Variants in MALRD1 observed in about 807,000 individuals in gnomAD.
MALRD1 encodes MAM and LDL receptor class A domain containing 1.
Under a neutral mutation model 242.1 loss-of-function variants are expected in MALRD1, and 247 were observed. The ratio of observed to expected loss-of-function variants is 1.02; its 90% CI spans 0.92 to 1.13. The LOEUF (loss-of-function observed/expected upper bound fraction) is 1.13, where lower values mean the gene tolerates loss of function less well. Among genes scored for constraint, MALRD1 ranks in the 50% most tolerant of loss-of-function variants. The pLI, the probability that MALRD1 is intolerant of heterozygous loss-of-function variation, is 0.00. For missense variants in MALRD1, 2,989 were observed against 2,533.1 expected (o/e 1.18, Z -3.86); for synonymous variants, 995 against 866.6 (o/e 1.15, Z -2.60).
At chr10:19,447,164 A>G (rs1470282312) in intron 28 of MALRD1, among the ~76,000 whole-genome samples, 1 of 151,902 alleles carries the variant, frequency 6.6e-6, no homozygotes, top group Non-Finnish European at 1.5e-5. Context: ...TTTCTCCTGT[A>G]TTAAATTAGT....
intron 31 of MALRD1, among the ~76,000 whole-genome samples, chr10:19,510,133 G>T (rs528458992): frequency 2.1e-4 from 32 of 152,150 alleles, no homozygotes; most frequent in Admixed American, 2.0e-3. Flanking sequence ...TGATGTGCAC[G>T]TACGTAAACA....
At chr10:19,115,230 A>T (rs1192831242) in intron 5 of MALRD1, among the ~76,000 whole-genome samples, 4 of 151,962 alleles carry the variant, frequency 2.6e-5, no homozygotes, top group African/African-American at 9.7e-5. Flanking sequence ...CTTACCCACA[A>T]TTCACTCCTC....
intron 9 of MALRD1, among the ~76,000 whole-genome samples, chr10:19,134,750 TG>T (rs1328310635): frequency 6.6e-6 from 1 of 152,202 alleles, no homozygotes; most frequent in Admixed American, 6.5e-5. Context: ...TTTTATAAAC[TG>T]AAGATTAAAT....
chr10:19,245,430 A>G (rs1280780509), intron 18 of MALRD1, among the ~76,000 whole-genome samples: 1 of 152,186 alleles, frequency 6.6e-6, no homozygotes, highest in Admixed American at 6.5e-5. Context: ...AAATAAATGT[A>G]TGCATACTGT....
At chr10:19,301,985 C>T (rs899105873) in intron 21 of MALRD1, among the ~76,000 whole-genome samples, 4 of 151,714 alleles carry the variant, frequency 2.6e-5, no homozygotes, top group Admixed American at 2.0e-4. Flanking sequence ...AGAAGTTATA[C>T]AAACAGCTAA....
chr10:19,235,925 C>A (rs951727886), intron 18 of MALRD1, among the ~76,000 whole-genome samples: 7 of 151,376 alleles, frequency 4.6e-5, no homozygotes, highest in Non-Finnish European at 7.4e-5. Flanking sequence ...TGGGTTGGGA[C>A]AATAAAGAAA....
intron 28 of MALRD1, among the ~76,000 whole-genome samples, chr10:19,412,801 A>G (rs1436714975): frequency 1.3e-5 from 2 of 152,204 alleles, no homozygotes; most frequent in African/African-American, 4.8e-5. Context: ...ATCTTTTTCC[A>G]TGAAAATCCT....
At chr10:19,647,633 G>T (rs560562110) in intron 36 of MALRD1, among the ~76,000 whole-genome samples, 1 of 152,288 alleles carries the variant, frequency 6.6e-6, no homozygotes, top group African/African-American at 2.4e-5. Context: ...GAGAACCTAA[G>T]TAAGTTGTGC....
intron 38 of MALRD1, among the ~76,000 whole-genome samples, chr10:19,715,406 A>G (rs1834338258): frequency 6.6e-6 from 1 of 151,040 alleles, no homozygotes; most frequent in African/African-American, 2.4e-5. Context: ...ATATTTATCT[A>G]TATATAAAAT....
chr10:19,290,029 A>G (rs1841332562), intron 21 of MALRD1, among the ~76,000 whole-genome samples: 3 of 152,230 alleles, frequency 2.0e-5, no homozygotes, highest in Admixed American at 1.3e-4. Context: ...TAATGAAACA[A>G]TAAAAAGTCT....
At chr10:19,687,169 T>G (rs1262687105) in intron 36 of MALRD1, among the ~76,000 whole-genome samples, 1 of 152,158 alleles carries the variant, frequency 6.6e-6, no homozygotes. Context: ...GCATTCTAAT[T>G]TAGACTGATG....
chr10:19,322,162 A>G (rs1842935749), intron 21 of MALRD1, among the ~76,000 whole-genome samples: 1 of 152,168 alleles, frequency 6.6e-6, no homozygotes, highest in East Asian at 1.9e-4. Context: ...AATAAATCAT[A>G]TACATATAGA....
chr10:19,353,868 T>TTTTGTTTGTTTG (rs532642522), intron 26 of MALRD1, among the ~76,000 whole-genome samples: 1 of 151,706 alleles, frequency 6.6e-6, no homozygotes, highest in African/African-American at 2.4e-5. Flanking sequence ...TTTCTGGTGG[T>TTTTGTTTGTTTG]TTTGTTTGTT....
chr10:19,110,278 A>T (rs1836630856), intron 5 of MALRD1, among the ~76,000 whole-genome samples: 1 of 152,184 alleles, frequency 6.6e-6, no homozygotes, highest in African/African-American at 2.4e-5. Flanking sequence ...GAGCTTATGG[A>T]TAGATGTTTC....
At chr10:19,057,867 A>G (rs752039395) in intron 1 of MALRD1, among the ~76,000 whole-genome samples, 1 of 152,252 alleles carries the variant, frequency 6.6e-6, no homozygotes, top group Non-Finnish European at 1.5e-5. Context: ...ATGATAGTGT[A>G]GCATGTAAAC....
rs780138927 is a variant in MALRD1 at position 19,238,542 on chromosome 10, A to T, written c.2992-19142A>T. ...ATTATATATAATATACATTATATATAATATATAATGTATATTATATATAAT... is the reference window on the plus strand; with the variant it reads ...ATTATATATAATATACATTATATATTATATATAATGTATATTATATATAAT... On this transcript the variant is annotated intron_variant, in intron 18 of 39. Coordinates refer to ENST00000454679, the MANE Select transcript of MALRD1 (RefSeq NM_001142308.3). 6.1e-4 allele frequency among the ~76,000 whole-genome samples: 48 copies of T among 78,350 alleles called. 7 individuals are homozygous for T. The highest frequency in any genetic ancestry group is 1.0e-3 in the East Asian group (3 of 2,964). The allele number at this position is 78,350 out of a possible 152,430, so 51.4% of individuals were successfully genotyped here.
chr10:19,194,626 T>C (rs1237500444), intron 14 of MALRD1, among the ~76,000 whole-genome samples: 1 of 152,150 alleles, frequency 6.6e-6, no homozygotes, highest in Non-Finnish European at 1.5e-5. Flanking sequence ...CCCACCACTT[T>C]TTCCTTGTCT....
chr10:19,537,589 T>A (rs771922259), intron 32 of MALRD1, among the ~76,000 whole-genome samples: 14 of 152,226 alleles, frequency 9.2e-5, no homozygotes, highest in Non-Finnish European at 1.9e-4. Flanking sequence ...GCCTTCCTTA[T>A]CATTTGATAT....
chr10:19,426,405 G>A (rs1833904685), intron 28 of MALRD1, among the ~76,000 whole-genome samples: 1 of 152,158 alleles, frequency 6.6e-6, no homozygotes, highest in African/African-American at 2.4e-5. Context: ...AATACCTGCA[G>A]AAAGCATGAA....
Sources: allele counts gnomAD v4.1 joint callset (sites outside exome capture counted in the v4.1 genomes callset), GRCh38; gene constraint gnomAD v4.1.1; transcripts MANE v1.5; gene names NCBI Gene and HGNC (gene_info 2026-07-23, HGNC 2026-07-21).